Variants in ZNRF3 observed in about 807,000 individuals in gnomAD.
ZNRF3 encodes the protein E3 ubiquitin-protein ligase ZNRF3.
ZNRF3 carries 23 observed loss-of-function variants against 72.5 expected under a neutral mutation model. That is an observed-to-expected ratio of 0.32 (90% CI 0.23 to 0.45). The LOEUF is 0.45. Among genes scored for constraint, ZNRF3 ranks in the 20% least tolerant of loss-of-function variants. ZNRF3 has a pLI of 1.00. For missense variants in ZNRF3, 1,169 were observed against 1,272.1 expected (o/e 0.92, Z 1.23); for synonymous variants, 610 against 545.3 (o/e 1.12, Z -1.65).
chr22:29,014,642 T>C (rs1439456579), intron 2 of ZNRF3, among the ~76,000 whole-genome samples: 1 of 152,204 alleles, frequency 6.6e-6, no homozygotes, highest in African/African-American at 2.4e-5. Flanking sequence ...CATTCATATG[T>C]TTATTAAGCA....
chr22:28,962,593 A>G (rs1416145694), intron 1 of ZNRF3, among the ~76,000 whole-genome samples: 1 of 152,184 alleles, frequency 6.6e-6, no homozygotes, highest in Non-Finnish European at 1.5e-5. Flanking sequence ...TTCCATAGTT[A>G]TAGATGGAGT....
intron 1 of ZNRF3, among the ~76,000 whole-genome samples, chr22:28,885,940 A>G (rs2033778363): frequency 6.6e-6 from 1 of 152,202 alleles, no homozygotes. Context: ...CAAAAAAAAA[A>G]AAAAGTCAAT....
At chr22:28,917,940 G>A (rs996272355) in intron 1 of ZNRF3, among the ~76,000 whole-genome samples, 1 of 152,242 alleles carries the variant, frequency 6.6e-6, no homozygotes, top group Non-Finnish European at 1.5e-5. Flanking sequence ...GGACTGAACA[G>A]TGAGCAGTGC....
In ZNRF3 at chr22:28,910,197, G is replaced by A. The variant is rs530255908; in HGVS notation, c.300+26131G>A. ...ATTACAGGTGCCCACCACCACAACC[G>A]GCTAATTTTTTGTGTGTGTTTTTAG... On this transcript the variant is annotated intron_variant, in intron 1 of 8. Transcript: ENST00000544604. Among the ~76,000 whole-genome samples the A allele has an allele frequency of 3.4e-4, 51 of 152,112 alleles. No individual in the cohort carries two copies. The East Asian group carries it at 9.3e-3, about 28-fold the overall frequency.
chr22:28,883,702 G>A lies in ZNRF3; in HGVS notation c.-65G>A, dbSNP rs1380538776. 1 of 983,650 alleles carries A rather than the reference G, an allele frequency of 1.0e-6. No individual in the cohort carries two copies. The highest frequency in any genetic ancestry group is 1.2e-6 in the Non-Finnish European group (1 of 828,844). The allele number at this position is 983,650 out of a possible 1,614,324, so 60.9% of individuals were successfully genotyped here. A position where few individuals can be genotyped will look rare whatever the true frequency, so the allele number is the denominator to read the frequency against. ...GCTGTGAGGCGTCCGCCCGCGTTCG[G>A]TCCTCAGCCGGCCCGCGACTATGCC... On this transcript the variant is annotated 5_prime_UTR_variant, in exon 1 of 9. Transcript: ENST00000544604. This position sits in a 1 kb window ranked among gnomAD's most constrained non-coding sequence, Gnocchi z 5.5.
In ZNRF3 at chr22:29,053,777, C is replaced by A; in HGVS notation, c.*155C>A. 1.5e-6 allele frequency: 1 copy of A among 670,600 alleles called. No individual in the cohort carries two copies. Among genetic ancestry groups the A allele is most frequent in the East Asian group, 2.8e-5 (1 of 35,394 alleles). 41.5% of individuals were successfully genotyped at this position (670,600 alleles called of 1,614,324 possible). On this transcript the variant is annotated 3_prime_UTR_variant, in exon 9 of 9. Coordinates refer to ENST00000544604, the MANE Select transcript of ZNRF3 (RefSeq NM_001206998.2). The stretch of plus-strand genomic sequence containing the variant: ...TCCTTGTCAACCCAAAATGTGAGCC[C>A]CCTGTGGCAAAACCACCCCCTACCC...
intron 2 of ZNRF3, among the ~76,000 whole-genome samples, chr22:28,999,478 CAAAG>C (rs2036107000): frequency 6.6e-6 from 1 of 152,148 alleles, no homozygotes; most frequent in African/African-American, 2.4e-5. Context: ...CCCTGACTCT[CAAAG>C]AAAGCTACTG....
At chr22:29,013,355 G>C (rs2036377680) in intron 2 of ZNRF3, among the ~76,000 whole-genome samples, 2 of 152,100 alleles carry the variant, frequency 1.3e-5, no homozygotes, top group South Asian at 4.1e-4. Context: ...CAACTTCTCA[G>C]TTTAATTTTC....
At chr22:28,910,861 A>T (rs1437248702) in intron 1 of ZNRF3, among the ~76,000 whole-genome samples, 1 of 152,192 alleles carries the variant, frequency 6.6e-6, no homozygotes, top group Non-Finnish European at 1.5e-5. Flanking sequence ...GCTATGGGGA[A>T]GGCATTTCTT....
At chr22:29,009,325 A>T (rs906165033) in intron 2 of ZNRF3, among the ~76,000 whole-genome samples, 3 of 152,150 alleles carry the variant, frequency 2.0e-5, no homozygotes, top group Non-Finnish European at 4.4e-5. Context: ...AAAAAGAGCA[A>T]CTTGACTGGG....
At chr22:28,896,540 A>G (rs1474561293) in intron 1 of ZNRF3, among the ~76,000 whole-genome samples, 1 of 152,248 alleles carries the variant, frequency 6.6e-6, no homozygotes, top group Non-Finnish European at 1.5e-5. Context: ...TTGGGATTAC[A>G]GGCGTGAGCC....
chr22:29,009,731 C>T (rs1249723911), intron 2 of ZNRF3, among the ~76,000 whole-genome samples: 1 of 152,070 alleles, frequency 6.6e-6, no homozygotes, highest in Non-Finnish European at 1.5e-5. Context: ...CTCATTTCCC[C>T]ACTTCTGTGG....
chr22:29,050,203 G>C lies in ZNRF3; in HGVS notation c.2022G>C (p.Glu674Asp), dbSNP rs1481516590. Residue 674 changes from glutamate (E) to aspartate (D), a missense_variant, in exon 8 of 9, where the codon GAG (glutamate) becomes GAC (aspartate). Glu to Asp is a conservative substitution (Grantham distance 45). Around this residue, in one of 2 missense-constraint regions of ZNRF3, gnomAD observed 783 missense variants for 731.4 expected, o/e 1.07. Coordinates refer to ENST00000544604, the MANE Select transcript of ZNRF3 (RefSeq NM_001206998.2). ...ACTACAGCAGCAACTCCTCCCTGGA[G>C]CACAGGGGGCCCAATAGCTCTACCT... ...EMNYSSNSSL[E>D]HRGPNSSTSE... The C allele has an allele frequency of 3.7e-6, 6 of 1,600,690 alleles. No individual in the cohort carries two copies. The highest frequency in any genetic ancestry group is 1.7e-5 in the Admixed American group (1 of 60,002).
intron 1 of ZNRF3, among the ~76,000 whole-genome samples, chr22:28,924,786 C>T (rs112165274): frequency 1.3e-5 from 2 of 152,262 alleles, no homozygotes; most frequent in African/African-American, 4.8e-5. Flanking sequence ...AGAGGGCTGA[C>T]TTTGGTCAGT....
At chr22:29,033,235 C>T (rs1249344841) in intron 2 of ZNRF3, among the ~76,000 whole-genome samples, 1 of 151,050 alleles carries the variant, frequency 6.6e-6, no homozygotes, top group Non-Finnish European at 1.5e-5. Flanking sequence ...CCTGTAATCC[C>T]AACTACTCGG....
intron 2 of ZNRF3, among the ~76,000 whole-genome samples, chr22:29,034,999 C>CTT (rs10607848): frequency 1.4e-4 from 19 of 131,192 alleles, no homozygotes; most frequent in African/African-American, 3.2e-4. Context: ...TTTGTTAGAC[C>CTT]TTTTTTTTTT....
chr22:28,948,689 T>C (rs564876005), intron 1 of ZNRF3, among the ~76,000 whole-genome samples: 1 of 152,344 alleles, frequency 6.6e-6, no homozygotes, highest in African/African-American at 2.4e-5. Context: ...CCTGTTAAGA[T>C]ATTAGTAATT....
At chr22:29,004,517 G>A (rs374257599) in intron 2 of ZNRF3, among the ~76,000 whole-genome samples, 14 of 152,186 alleles carry the variant, frequency 9.2e-5, no homozygotes, top group African/African-American at 3.1e-4. Flanking sequence ...CCCGAAGCAC[G>A]CCAGTCTAGG....
intron 2 of ZNRF3, among the ~76,000 whole-genome samples, chr22:29,042,137 A>G (rs1287893949): frequency 6.6e-6 from 1 of 152,220 alleles, no homozygotes. Context: ...TTTCTAATTG[A>G]CAGATAATAA....
Sources: gnomAD v4.1 joint callset for allele counts (sites outside exome capture counted in the v4.1 genomes callset) on GRCh38, gnomAD v4.1.1 for gene constraint, gnomAD v4.1.1 regional missense constraint, Gnocchi (gnomAD v3.1) non-coding constraint, MANE v1.5 for transcripts, NCBI Gene and HGNC (gene_info 2026-07-23, HGNC 2026-07-21) for gene names.